Variants in TBC1D9 observed in about 807,000 individuals in gnomAD.
TBC1D9 encodes TBC1 domain family member 9A.
In TBC1D9, 63 loss-of-function variants were observed where a neutral mutation model predicts 132.0. That is an observed-to-expected ratio of 0.48 (90% CI 0.39 to 0.59). The LOEUF is 0.59. Ranked by LOEUF, TBC1D9 falls within the 20% of genes least tolerant of loss-of-function variation. TBC1D9 has a pLI of 0.00. For missense variants in TBC1D9, 1,261 were observed against 1,592.7 expected (o/e 0.79, Z 3.54); for synonymous variants, 610 against 609.9 (o/e 1.00, Z 0.00).
chr4:140,678,871 T>A, intron 5 of TBC1D9, 71 bp downstream of exon 5: 1 of 1,539,730 alleles, frequency 6.5e-7, no homozygotes, highest in Non-Finnish European at 8.8e-7. Context: ...CAGAGAAGGT[T>A]ACACTGAATA....
At position 140,701,582 on chromosome 4, in the gene TBC1D9, C is replaced by A. The variant is rs1385658714; in HGVS notation, c.163G>T (p.Asp55Tyr). ...LLVGTLDVVL[D>Y]SSARVAPYRI... ...TAAGGAGCGACCCGGGCGCTGGAGT[C>A]CAACACAACATCAAGGGTACCCACC... The change falls in exon 2 of 21, where the codon GAC becomes TAC. Residue 55 changes from aspartate (D) to tyrosine (Y), a missense_variant. Physicochemically the swap from Asp to Tyr is radical, Grantham distance 160 (BLOSUM62 -3). This residue lies in a region of TBC1D9 where 550 missense variants were observed against 699.0 expected (regional missense o/e 0.79). Coordinates refer to ENST00000442267, the MANE Select transcript of TBC1D9 (RefSeq NM_015130.3). 6.2e-7 allele frequency: 1 copy of A among 1,613,870 alleles called. No individual in the cohort carries two copies. Among genetic ancestry groups the A allele is most frequent in the Non-Finnish European group, 8.5e-7 (1 of 1,179,846 alleles).
intron 1 of TBC1D9, among the ~76,000 whole-genome samples, chr4:140,755,040 C>T (rs1738987643): frequency 6.6e-6 from 1 of 152,126 alleles, no homozygotes; most frequent in African/African-American, 2.4e-5. Flanking sequence ...TTTTTGCAGT[C>T]TCCTTTCTAG....
chr4:140,716,474 A>C (rs1738335907), intron 1 of TBC1D9, among the ~76,000 whole-genome samples: 1 of 152,178 alleles, frequency 6.6e-6, no homozygotes, highest in Admixed American at 6.5e-5. Context: ...TGGGTGACAA[A>C]GCAAGACCCT....
intron 1 of TBC1D9, among the ~76,000 whole-genome samples, chr4:140,725,059 A>T (rs1738477322): frequency 6.6e-6 from 1 of 152,134 alleles, no homozygotes; most frequent in East Asian, 1.9e-4. Context: ...ACTTGTTGAA[A>T]TTTTTTCCAC....
intron 1 of TBC1D9, among the ~76,000 whole-genome samples, chr4:140,753,204 TG>T (rs1437072520): frequency 6.6e-6 from 1 of 152,144 alleles, no homozygotes; most frequent in Admixed American, 6.5e-5. Flanking sequence ...CATCCATTCC[TG>T]GGAGGCTGAT....
chr4:140,695,512 A>C (rs1215277822), intron 2 of TBC1D9, among the ~76,000 whole-genome samples: 1 of 152,206 alleles, frequency 6.6e-6, no homozygotes, highest in African/African-American at 2.4e-5. Flanking sequence ...GGTCAGATGC[A>C]TCCAGAGGGA....
At chr4:140,690,863 C>CATAT (rs1270138121) in intron 2 of TBC1D9, among the ~76,000 whole-genome samples, 11 of 152,104 alleles carry the variant, frequency 7.2e-5, no homozygotes, top group Non-Finnish European at 7.3e-5. Flanking sequence ...TATATGAACC[C>CATAT]ATTATCATCA....
chr4:140,649,762 TAAG>T (rs894249057), intron 13 of TBC1D9, among the ~76,000 whole-genome samples: 1 of 152,072 alleles, frequency 6.6e-6, no homozygotes, highest in Non-Finnish European at 1.5e-5. Context: ...CAGGAGATGA[TAAG>T]AAGAAACAAG....
intron 1 of TBC1D9, among the ~76,000 whole-genome samples, 154 bp downstream of exon 1, chr4:140,755,762 C>A (rs1739001014): frequency 6.6e-6 from 1 of 152,180 alleles, no homozygotes; most frequent in Non-Finnish European, 1.5e-5. Context: ...CCAACCTGAA[C>A]ATCACGACTC....
chr4:140,687,385 T>TATATATATAC (rs1737804782), intron 2 of TBC1D9, among the ~76,000 whole-genome samples: 1 of 67,414 alleles, frequency 1.5e-5, no homozygotes, highest in Non-Finnish European at 2.8e-5. Context: ...TATATATATA[T>TATATATATAC]ATATATATAT....
At chr4:140,699,576 G>C (rs1321147385) in intron 2 of TBC1D9, among the ~76,000 whole-genome samples, 1 of 152,126 alleles carries the variant, frequency 6.6e-6, no homozygotes, top group Non-Finnish European at 1.5e-5. Flanking sequence ...TTCCAATTGA[G>C]GAGCATGCCA....
In TBC1D9 at chr4:140,744,879, TAAAAAAAAAAAAAAA is replaced by T. The variant is rs34469042; in HGVS notation, c.130+11022_130+11036del. 1.9e-4 allele frequency among the ~76,000 whole-genome samples: 20 copies of T among 107,514 alleles called. No individual in the cohort carries two copies. The South Asian group carries it at 6.9e-3, about 37-fold the overall frequency. 70.5% of individuals were successfully genotyped at this position (107,514 alleles called of 152,430 possible). ...GCCTGGGTGACAGAGCAAGAGTGTT[TAAAAAAAAAAAAAAA>T]AAAAAAAAAAGAATCTCAGTCTTCA... On this transcript the variant is annotated intron_variant, in intron 1 of 20. Coordinates refer to ENST00000442267, the MANE Select transcript of TBC1D9 (RefSeq NM_015130.3).
chr4:140,695,664 A>G (rs2046626), intron 2 of TBC1D9, among the ~76,000 whole-genome samples: 55,188 of 151,940 alleles, frequency 0.36, 11,975 homozygotes, highest in South Asian at 0.5. Flanking sequence ...AACCCTTCTT[A>G]CTGTTAGAAC....
chr4:140,716,373 C>T (rs1232208419), intron 1 of TBC1D9, among the ~76,000 whole-genome samples: 1 of 151,806 alleles, frequency 6.6e-6, no homozygotes, highest in East Asian at 1.9e-4. Flanking sequence ...TGCCTAGAGT[C>T]CCAGCTACTT....
rs573308291 is a variant in TBC1D9 at position 140,742,705 on chromosome 4, C to T, written c.130+13211G>A. ...AAATTACAAATTTCTAGTAACTATA[C>T]ATACACACACTCCCCACAAACCCCC... is the stretch of plus-strand genomic sequence containing the variant. On this transcript the variant is annotated intron_variant, in intron 1 of 20. Coordinates refer to ENST00000442267, the MANE Select transcript of TBC1D9 (RefSeq NM_015130.3). Among the ~76,000 whole-genome samples, 4 of 152,170 alleles carry T rather than the reference C, an allele frequency of 2.6e-5. No individual in the cohort carries two copies. In the East Asian group the frequency reaches 7.7e-4, roughly 29 times the overall value.
In TBC1D9 at chr4:140,701,589, A is replaced by C; in HGVS notation, c.156T>G (p.Val52=). Residue 52 remains valine (V), a synonymous_variant, in exon 2 of 21, where the codon GTT becomes GTG. Coordinates refer to ENST00000442267, the MANE Select transcript of TBC1D9 (RefSeq NM_015130.3). ...LAGLLVGTLD[V]VLDSSARVAP... Reference sequence around the variant, plus strand: ...CGACCCGGGCGCTGGAGTCCAACACAACATCAAGGGTACCCACCAGCAGGC... The same window carrying C: ...CGACCCGGGCGCTGGAGTCCAACACCACATCAAGGGTACCCACCAGCAGGC... 6.2e-7 allele frequency: 1 copy of C among 1,613,970 alleles called. No homozygotes were observed. Among genetic ancestry groups the C allele is most frequent in the Non-Finnish European group, 8.5e-7 (1 of 1,179,858 alleles).
chr4:140,660,753 G>A (rs1203106259), intron 10 of TBC1D9, among the ~76,000 whole-genome samples: 5 of 152,124 alleles, frequency 3.3e-5, no homozygotes, highest in East Asian at 1.9e-4. Flanking sequence ...TCTATGTGGG[G>A]GGTTATTTAA....
At chr4:140,661,061 C>A (rs1737351542) in intron 10 of TBC1D9, among the ~76,000 whole-genome samples, 1 of 152,094 alleles carries the variant, frequency 6.6e-6, no homozygotes, top group Non-Finnish European at 1.5e-5. Flanking sequence ...ACTACAGGCA[C>A]CTGCCACCAC....
At chr4:140,735,360 C>T (rs1188261188) in intron 1 of TBC1D9, among the ~76,000 whole-genome samples, 1 of 152,106 alleles carries the variant, frequency 6.6e-6, no homozygotes, top group Non-Finnish European at 1.5e-5. Context: ...TTCATCTAAA[C>T]TTTAATGAAA....
Sources: gnomAD v4.1 joint callset for allele counts (sites outside exome capture counted in the v4.1 genomes callset) on GRCh38, gnomAD v4.1.1 for gene constraint, gnomAD v4.1.1 regional missense constraint, MANE v1.5 for transcripts, NCBI Gene and HGNC (gene_info 2026-07-23, HGNC 2026-07-21) for gene names.